The following PRKN variants were observed in gnomAD, a reference collection of about 807,000 sequenced individuals.
PRKN encodes the protein E3 ubiquitin-protein ligase parkin.
In PRKN, 56 loss-of-function variants were observed where a neutral mutation model predicts 59.5. The observed-to-expected ratio is 0.94, with a 90% CI of 0.76 to 1.18. PRKN has a LOEUF of 1.18. Among genes scored for constraint, PRKN ranks in the 50% most tolerant of loss-of-function variants. PRKN has a pLI of 0.00. For missense variants in PRKN, 657 were observed against 596.4 expected (o/e 1.10, Z -1.06); for synonymous variants, 250 against 222.1 (o/e 1.13, Z -1.12).
intron 5 of PRKN, among the ~76,000 whole-genome samples, chr6:161,998,738 T>C (rs1163771790): frequency 6.6e-6 from 1 of 152,158 alleles, no homozygotes; most frequent in Non-Finnish European, 1.5e-5. Context: ...TAAAAGATAG[T>C]GTAAGAGAAA....
At chr6:162,475,077 A>C (rs1323416554) in intron 1 of PRKN, among the ~76,000 whole-genome samples, 1 of 152,214 alleles carries the variant, frequency 6.6e-6, no homozygotes, top group East Asian at 1.9e-4. Flanking sequence ...TGCTTCACAT[A>C]GAATTTGCCA....
chr6:161,735,694 A>C (rs1787935248), intron 7 of PRKN, among the ~76,000 whole-genome samples: 1 of 152,078 alleles, frequency 6.6e-6, no homozygotes. Context: ...AGGAGGGTGG[A>C]TCACGAGGTC....
At chr6:162,422,485 G>A (rs1044201914) in intron 2 of PRKN, among the ~76,000 whole-genome samples, 1 of 152,150 alleles carries the variant, frequency 6.6e-6, no homozygotes, top group African/African-American at 2.4e-5. Flanking sequence ...CTCTCACAGG[G>A]CAGGGAAGGT....
chr6:161,620,739 C>G (rs1782866006), intron 7 of PRKN, among the ~76,000 whole-genome samples: 1 of 152,162 alleles, frequency 6.6e-6, no homozygotes, highest in Admixed American at 6.5e-5. Flanking sequence ...ATTTGAACAA[C>G]CTACAGTCAT....
intron 5 of PRKN, among the ~76,000 whole-genome samples, chr6:162,012,502 A>T (rs1334451585): frequency 6.6e-6 from 1 of 152,100 alleles, no homozygotes; most frequent in Non-Finnish European, 1.5e-5. Flanking sequence ...TTCAGATAGG[A>T]TGTCCCTTTA....
intron 9 of PRKN, among the ~76,000 whole-genome samples, chr6:161,495,283 T>A (rs925315938): frequency 3.3e-5 from 5 of 152,162 alleles, no homozygotes; most frequent in African/African-American, 1.2e-4. Context: ...CGGCATATCC[T>A]AGGGGAGGGA....
intron 1 of PRKN, among the ~76,000 whole-genome samples, chr6:162,547,567 A>ACC (rs1327470000): frequency 6.6e-6 from 1 of 151,936 alleles, no homozygotes; most frequent in Admixed American, 6.6e-5. Flanking sequence ...TCCCAATGTC[A>ACC]CAGTTAGTTA....
chr6:162,247,006 T>A (rs2128093964), intron 3 of PRKN, among the ~76,000 whole-genome samples: 1 of 152,220 alleles, frequency 6.6e-6, no homozygotes, highest in African/African-American at 2.4e-5. Context: ...TTTTTGGCCC[T>A]TTAGTTATAC....
In PRKN at chr6:161,362,984, G is replaced by C. The variant is rs916445746; in HGVS notation, c.1168-2779C>G. 6.6e-6 allele frequency among the ~76,000 whole-genome samples: 1 copy of C among 152,230 alleles called. No individual in the cohort carries two copies. The highest frequency in any genetic ancestry group is 1.5e-5 in the Non-Finnish European group (1 of 68,046). ...TGGCCAGGCATGGTGGCTCACACCT[G>C]TAATCCCAGCACTTTGGGAGGCTGA... On this transcript the variant is annotated intron_variant, in intron 10 of 11. Coordinates refer to ENST00000366898, the MANE Select transcript of PRKN (RefSeq NM_004562.3). This position sits in a 1 kb window ranked among gnomAD's most constrained non-coding sequence, Gnocchi z 5.2.
At chr6:162,339,548 C>G (rs1351762752) in intron 2 of PRKN, among the ~76,000 whole-genome samples, 3 of 147,862 alleles carry the variant, frequency 2.0e-5, no homozygotes, top group African/African-American at 4.9e-5. Flanking sequence ...CCAGCCGCCC[C>G]GTCCGGGAGG....
chr6:162,225,601 T>A (rs147023034), intron 3 of PRKN, among the ~76,000 whole-genome samples: 1 of 152,190 alleles, frequency 6.6e-6, no homozygotes, highest in Non-Finnish European at 1.5e-5. Flanking sequence ...TGTGCACATC[T>A]CCCCAACACT....
chr6:162,597,866 T>A (rs1012704871), intron 1 of PRKN, among the ~76,000 whole-genome samples: 2 of 152,210 alleles, frequency 1.3e-5, no homozygotes, highest in Admixed American at 1.3e-4. Context: ...TAACCTGCAA[T>A]AGAATTCATT....
At chr6:161,857,486 G>A (rs1282439155) in intron 6 of PRKN, among the ~76,000 whole-genome samples, 5 of 152,202 alleles carry the variant, frequency 3.3e-5, no homozygotes, top group Admixed American at 2.0e-4. Context: ...AAAGCAGCAT[G>A]AGCTAGTCTG....
chr6:162,008,712 T>C (rs1364635414), intron 5 of PRKN, among the ~76,000 whole-genome samples: 1 of 152,078 alleles, frequency 6.6e-6, no homozygotes, highest in Non-Finnish European at 1.5e-5. Context: ...GAAAAATACA[T>C]CCTGAGAACT....
At chr6:162,406,730 G>T (rs995571720) in intron 2 of PRKN, among the ~76,000 whole-genome samples, 2 of 152,092 alleles carry the variant, frequency 1.3e-5, no homozygotes, top group Non-Finnish European at 2.9e-5. Flanking sequence ...GTTGAGGTAG[G>T]TAGCAAAGTC....
At chr6:162,389,803 C>A (rs1191759928) in intron 2 of PRKN, among the ~76,000 whole-genome samples, 1 of 152,328 alleles carries the variant, frequency 6.6e-6, no homozygotes, top group South Asian at 2.1e-4. Context: ...TTTCCCCACT[C>A]CTCAGTAAAA....
chr6:161,515,566 A>C (rs1267038007), intron 9 of PRKN, among the ~76,000 whole-genome samples: 1 of 152,212 alleles, frequency 6.6e-6, no homozygotes, highest in Non-Finnish European at 1.5e-5. Context: ...GTTACTTCAC[A>C]TGTGTTTCAT....
At chr6:162,546,627 T>A (rs35190589) in intron 1 of PRKN, among the ~76,000 whole-genome samples, 13,427 of 148,106 alleles carry the variant, frequency 0.091, 729 homozygotes, top group South Asian at 0.19. Context: ...TATTTTTAGT[T>A]GAGATGGGGT....
At chr6:162,442,421 G>T (rs1021068065) in intron 2 of PRKN, among the ~76,000 whole-genome samples, 1 of 152,148 alleles carries the variant, frequency 6.6e-6, no homozygotes, top group Admixed American at 6.5e-5. Flanking sequence ...AAAGCGTTTC[G>T]TCTTTCTTGC....
Sources: allele counts gnomAD v4.1 joint callset (sites outside exome capture counted in the v4.1 genomes callset), GRCh38; gene constraint gnomAD v4.1.1; non-coding constraint Gnocchi (gnomAD v3.1); transcripts MANE v1.5; gene names NCBI Gene and HGNC (gene_info 2026-07-23, HGNC 2026-07-21).